The following BRAF variants were observed in gnomAD, a reference collection of about 807,000 sequenced individuals.
BRAF encodes the protein B-Raf proto-oncogene, serine/threonine kinase.
A neutral mutation model predicts 104.6 loss-of-function variants in BRAF; 16 were observed. That is an observed-to-expected ratio of 0.15 (90% CI 0.10 to 0.23). BRAF has a LOEUF of 0.23. BRAF is among the 10% of genes least tolerant of loss of function. BRAF has a pLI of 1.00. For synonymous variants in BRAF, 310 were observed against 341.6 expected (o/e 0.91, Z 1.02); for missense variants, 541 against 937.3 (o/e 0.58, Z 5.52).
At chr7:140,773,821 G>T (rs909220094) in intron 14 of BRAF, among the ~76,000 whole-genome samples, 26 of 152,210 alleles carry the variant, frequency 1.7e-4, no homozygotes, top group African/African-American at 6.0e-4. Context: ...TAGCCTTTTG[G>T]GGTCTAAGTC....
chr7:140,840,846 G>A (rs1000987672), intron 2 of BRAF, among the ~76,000 whole-genome samples: 2 of 151,276 alleles, frequency 1.3e-5, no homozygotes, highest in Non-Finnish European at 3.0e-5. Flanking sequence ...TCCCGGGCAG[G>A]TGGGACTACA....
chr7:140,900,033 C>T (rs1213815471), intron 1 of BRAF, among the ~76,000 whole-genome samples: 2 of 152,228 alleles, frequency 1.3e-5, no homozygotes, highest in South Asian at 2.1e-4. Context: ...ATGACTGCAG[C>T]CATTGACTGA....
At chr7:140,861,520 C>T (rs1810412274) in intron 1 of BRAF, among the ~76,000 whole-genome samples, 1 of 152,158 alleles carries the variant, frequency 6.6e-6, no homozygotes. Context: ...CTGTTAGCCA[C>T]TCAGAATCTG....
chr7:140,814,832 T>TATATATAAC (rs1804692730), intron 3 of BRAF, among the ~76,000 whole-genome samples: 1 of 134,246 alleles, frequency 7.4e-6, no homozygotes, highest in African/African-American at 3.4e-5. Flanking sequence ...TTATATATAT[T>TATATATAAC]ATATATATAA....
chr7:140,863,536 T>C (rs924933796), intron 1 of BRAF, among the ~76,000 whole-genome samples: 3 of 152,242 alleles, frequency 2.0e-5, no homozygotes, highest in African/African-American at 7.2e-5. Flanking sequence ...AACAATTTAC[T>C]TCTGATATGG....
At chr7:140,813,688 A>T (rs1362187537) in intron 3 of BRAF, among the ~76,000 whole-genome samples, 2 of 152,206 alleles carry the variant, frequency 1.3e-5, no homozygotes, top group African/African-American at 2.4e-5. Flanking sequence ...TATATATATA[A>T]AAAATTATGT....
chr7:140,864,635 G>A (rs1810746470), intron 1 of BRAF, among the ~76,000 whole-genome samples: 1 of 151,952 alleles, frequency 6.6e-6, no homozygotes, highest in Non-Finnish European at 1.5e-5. Context: ...GAGGTAGAAG[G>A]AAAAAATATT....
chr7:140,906,591 C>T (rs965060034), intron 1 of BRAF, among the ~76,000 whole-genome samples: 6 of 152,204 alleles, frequency 3.9e-5, no homozygotes, highest in African/African-American at 1.2e-4. Flanking sequence ...TTTTGCACCT[C>T]AGACTTTTAT....
intron 1 of BRAF, among the ~76,000 whole-genome samples, chr7:140,901,538 A>T (rs1815636268): frequency 6.6e-6 from 1 of 152,170 alleles, no homozygotes; most frequent in Non-Finnish European, 1.5e-5. Context: ...CCATAGAAAA[A>T]CCTACAGGAA....
At chr7:140,845,747 C>T (rs1397147775) in intron 2 of BRAF, among the ~76,000 whole-genome samples, 2 of 152,072 alleles carry the variant, frequency 1.3e-5, no homozygotes, top group Admixed American at 6.5e-5. Context: ...GGCATGATCT[C>T]GGCTCACTGC....
At chr7:140,774,173 T>C (rs1800114088) in intron 14 of BRAF, among the ~76,000 whole-genome samples, 1 of 152,222 alleles carries the variant, frequency 6.6e-6, no homozygotes, top group Non-Finnish European at 1.5e-5. Context: ...TATACTCTGC[T>C]GGAGGGCTTA....
chr7:140,860,447 A>T (rs1810283242), intron 1 of BRAF, among the ~76,000 whole-genome samples: 1 of 149,776 alleles, frequency 6.7e-6, no homozygotes, highest in Non-Finnish European at 1.5e-5. Context: ...TGTGCAACAT[A>T]GCAAGACCCC....
intron 1 of BRAF, among the ~76,000 whole-genome samples, chr7:140,894,487 AATTTTTTT>A (rs938414826): frequency 7.9e-5 from 12 of 152,146 alleles, no homozygotes; most frequent in Non-Finnish European, 4.4e-5. Flanking sequence ...GATGGAAAAA[AATTTTTTT>A]AATGGTAGCT....
At chr7:140,727,899 G>A (rs62487900) in intron 19 of BRAF, among the ~76,000 whole-genome samples, 3 of 152,226 alleles carry the variant, frequency 2.0e-5, no homozygotes, top group Admixed American at 2.0e-4. Flanking sequence ...GGGATTACAC[G>A]CATGAGCCAC....
chr7:140,899,435 A>AT (rs1220327074), intron 1 of BRAF, among the ~76,000 whole-genome samples: 1 of 152,006 alleles, frequency 6.6e-6, no homozygotes. Flanking sequence ...TTTCCAAAGG[A>AT]TTTTTCCCCC....
At chr7:140,891,176 G>A (rs1373927633) in intron 1 of BRAF, among the ~76,000 whole-genome samples, 4 of 152,160 alleles carry the variant, frequency 2.6e-5, no homozygotes, top group Non-Finnish European at 4.4e-5. Flanking sequence ...GTGTGGGGTA[G>A]AGGGGAAAAC....
rs144868614 is a variant in BRAF, at chr7:140,893,240, C to G, written c.138+31326G>C. On this transcript the variant is annotated intron_variant, in intron 1 of 19. Transcript: ENST00000644969. ...GCTTAGGCTTATTCTCCCTGCTGTT[C>G]CCCATAACATTCTTTTTTTTTTTTT... is the stretch of plus-strand genomic sequence containing the variant. Among the ~76,000 whole-genome samples, 543 of 151,430 alleles carry G rather than the reference C, an allele frequency of 3.6e-3. 6 individuals are homozygous for G. The highest frequency in any genetic ancestry group is 0.013 in the African/African-American group (515 of 40,942).
chr7:140,723,033 T>C lies in BRAF; in HGVS notation c.*3461A>G. 1 of 1,052,028 alleles carries C rather than the reference T, an allele frequency of 9.5e-7. No homozygotes were observed. The highest frequency in any genetic ancestry group is 1.1e-6 in the Non-Finnish European group (1 of 870,978). The allele number at this position is 1,052,028 out of a possible 1,614,324, so 65.2% of individuals were successfully genotyped here. A position where few individuals can be genotyped will look rare whatever the true frequency, so the allele number is the denominator to read the frequency against. On this transcript the variant is annotated 3_prime_UTR_variant, in exon 20 of 20. Transcript: ENST00000644969. Reference sequence around the variant, plus strand: ...CGTCATGTTCTAGAGCTCCTGACTTTTCATATTTTAAAATAAATAACTATT... The same window carrying C: ...CGTCATGTTCTAGAGCTCCTGACTTCTCATATTTTAAAATAAATAACTATT...
intron 8 of BRAF, among the ~76,000 whole-genome samples, chr7:140,790,849 G>A (rs112010798): frequency 6.6e-6 from 1 of 152,210 alleles, no homozygotes; most frequent in Non-Finnish European, 1.5e-5. Flanking sequence ...GCTCACGCCT[G>A]TAATCCCAAC....
Sources: gnomAD v4.1 joint callset for allele counts (sites outside exome capture counted in the v4.1 genomes callset) on GRCh38, gnomAD v4.1.1 for gene constraint, MANE v1.5 for transcripts, NCBI Gene and HGNC (gene_info 2026-07-23, HGNC 2026-07-21) for gene names.